PNMA1: variants seen among roughly 807,000 people sequenced by gnomAD.
The protein encoded by PNMA1 is PNMA family member 1.
In PNMA1, 21 loss-of-function variants were observed where a neutral mutation model predicts 26.1. The ratio of observed to expected loss-of-function variants is 0.80; its 90% CI spans 0.57 to 1.16. The LOEUF is 1.16. Ranked by LOEUF, PNMA1 falls within the 50% of genes most tolerant of loss-of-function variation. PNMA1 has a pLI of 0.00. For synonymous variants in PNMA1, 189 were observed against 177.3 expected, an observed-to-expected ratio of 1.07 and a Z score of -0.52; for missense variants, 435 against 437.3, an observed-to-expected ratio of 0.99 and a Z score of 0.05.
In PNMA1 at chr14:73,713,527, G is replaced by A. The variant is rs1377399375; in HGVS notation, c.113C>T (p.Thr38Ile). 1.1e-5 allele frequency: 18 copies of A among 1,613,976 alleles called. No individual in the cohort carries two copies. The highest frequency in any genetic ancestry group is 6.7e-5 in the East Asian group (3 of 44,884). ...VNCDEAEIEE[T>I]LQAAMPQVSY... ...GACCTGGGGCATCGCAGCCTGGAGG[G>A]TCTCTTCGATTTCAGCCTCATCACA... The change falls in exon 1 of 1, where the codon ACC (threonine) becomes ATC (isoleucine). Residue 38 changes from threonine (T) to isoleucine (I), a missense_variant. By Grantham distance (89) the Thr-to-Ile change is moderately conservative (BLOSUM62 -1). Transcript: ENST00000316836.
At position 73,713,587 on chromosome 14, in the gene PNMA1, T is replaced by C. The variant is rs774408970; in HGVS notation, c.53A>G (p.Gln18Arg). 6.8e-6 allele frequency: 11 copies of C among 1,613,432 alleles called. No individual in the cohort carries two copies. The Admixed American group carries it at 8.3e-5, about 12-fold the overall frequency. The change falls in exon 1 of 1, where the codon CAG (glutamine) becomes CGG (arginine). Residue 18 changes from glutamine to arginine, a missense_variant. Physicochemically the swap from Gln to Arg is conservative, Grantham distance 43. Coordinates refer to ENST00000316836, the MANE Select transcript of PNMA1 (RefSeq NM_006029.5). ...GATGCCCCAGACTAACAGAGCTCTC[T>C]GGGAGTTCACATCCATCCCCCGGCA... ...DWCRGMDVNS[Q>R]RALLVWGIPV...
Position 73,713,497 on chromosome 14 carries a change from T to C in PNMA1, c.143A>G (p.Tyr48Cys). 1 of 1,614,176 alleles carries C rather than the reference T, an allele frequency of 6.2e-7. No individual in the cohort carries two copies. The highest frequency in any genetic ancestry group is 8.5e-7 in the Non-Finnish European group (1 of 1,180,026). The part of the protein sequence containing the change: ...TLQAAMPQVS[Y>C]RMLGRMFWRE... ...CCAGAACATTCTCCCAAGCATTCGG[T>C]AGGAGACCTGGGGCATCGCAGCCTG... The change falls in exon 1 of 1, where the codon TAC becomes TGC. Residue 48 changes from tyrosine (Y) to cysteine (C), a missense_variant. Transcript: ENST00000316836.
chr14:73,712,470 C>T lies in PNMA1; in HGVS notation c.*108G>A. 2 of 782,792 alleles carry T rather than the reference C, an allele frequency of 2.6e-6. No homozygotes were observed. The highest frequency in any genetic ancestry group is 4.1e-6 in the Non-Finnish European group (2 of 485,804). 48.5% of individuals were successfully genotyped at this position (782,792 alleles called of 1,614,324 possible). ...CCTTCCCCTCCAAAAAACAACAAAACAGAACAAGGCTAAGCCTTTACTACT... is the reference window on the plus strand; with the variant it reads ...CCTTCCCCTCCAAAAAACAACAAAATAGAACAAGGCTAAGCCTTTACTACT... On this transcript the variant is annotated 3_prime_UTR_variant, in exon 1 of 1. Coordinates refer to ENST00000316836, the MANE Select transcript of PNMA1 (RefSeq NM_006029.5).
Position 73,713,090 on chromosome 14 carries a change from T to A in PNMA1, c.550A>T (p.Thr184Ser), listed in dbSNP as rs760687408. Reference sequence around the variant, plus strand: ...TGCCACTCCTCTAGGACCTCATTAGTGTGCTCCAGCCAGGGATCAAAGGTT... The same window carrying A: ...TGCCACTCCTCTAGGACCTCATTAGAGTGCTCCAGCCAGGGATCAAAGGTT... ...EETFDPWLEHTNEVLEEWQVS... is the reference protein window; with the variant it reads ...EETFDPWLEHSNEVLEEWQVS... The change falls in exon 1 of 1, where the codon ACT becomes TCT. Residue 184 changes from threonine to serine, a missense_variant. Thr to Ser is a moderately conservative substitution (Grantham distance 58). Transcript: ENST00000316836. The A allele has an allele frequency of 6.2e-7, 1 of 1,613,834 alleles. No homozygotes were observed. Among genetic ancestry groups the A allele is most frequent in the South Asian group, 1.1e-5 (1 of 91,058 alleles).
In PNMA1 at chr14:73,712,889, G is replaced by A; in HGVS notation, c.751C>T (p.Leu251=). The part of the protein sequence containing the change: ...ESSRDAQIKF[L]NTYQNPGEKL... ...TCTCCCGGGTTCTGATAAGTGTTCA[G>A]AAATTTGATCTGGGCATCCCTAGAG... Residue 251 remains leucine (L), a synonymous_variant, in exon 1 of 1, where the codon CTG becomes TTG. Transcript: ENST00000316836. 1 of 1,614,190 alleles carries A rather than the reference G, an allele frequency of 6.2e-7. No individual in the cohort carries two copies. The highest frequency in any genetic ancestry group is 8.5e-7 in the Non-Finnish European group (1 of 1,180,052).
In PNMA1 at chr14:73,712,989, A is replaced by G; in HGVS notation, c.651T>C (p.Leu217=). ...RGPAADVIRI[L]KSNNPAITTA... Reference sequence around the variant, plus strand: ...TGGTTATCGCGGGGTTGTTGGACTTAAGGATGCGAATAACATCAGCGGCGG... The same window carrying G: ...TGGTTATCGCGGGGTTGTTGGACTTGAGGATGCGAATAACATCAGCGGCGG... Residue 217 remains leucine, a synonymous_variant, in exon 1 of 1, where the codon CTT becomes CTC. Transcript: ENST00000316836. The G allele has an allele frequency of 6.2e-7, 1 of 1,614,202 alleles. No individual in the cohort carries two copies. The highest frequency in any genetic ancestry group is 8.5e-7 in the Non-Finnish European group (1 of 1,180,054).
Position 73,712,749 on chromosome 14 carries a change from C to T in PNMA1, c.891G>A (p.Gly297=). Reference sequence around the variant, plus strand: ...TTCGGATGGCCCCGCTGTGGTTGGCCCCGGCAATGACCTGCTCTAGGCGGG... The same window carrying T: ...TTCGGATGGCCCCGCTGTGGTTGGCTCCGGCAATGACCTGCTCTAGGCGGG... ...NQARLEQVIA[G]ANHSGAIRRQ... Residue 297 remains glycine (G), a synonymous_variant, in exon 1 of 1, where the codon GGG becomes GGA. Coordinates refer to ENST00000316836, the MANE Select transcript of PNMA1 (RefSeq NM_006029.5). 3 of 1,614,172 alleles carry T rather than the reference C, an allele frequency of 1.9e-6. No individual in the cohort carries two copies. The highest frequency in any genetic ancestry group is 2.5e-6 in the Non-Finnish European group (3 of 1,180,034).
In PNMA1 at chr14:73,712,424, T is replaced by C. The variant is rs2052825871; in HGVS notation, c.*154A>G. On this transcript the variant is annotated 3_prime_UTR_variant, in exon 1 of 1. Coordinates refer to ENST00000316836, the MANE Select transcript of PNMA1 (RefSeq NM_006029.5). ...GCTGGCACAATTTTAGAATGTTACA[T>C]GAATACTCAGGCCTGACTAACCTTC... 5 of 634,420 alleles carry C rather than the reference T, an allele frequency of 7.9e-6. No individual in the cohort carries two copies. Among genetic ancestry groups the C allele is most frequent in the Non-Finnish European group, 1.4e-5 (5 of 362,094 alleles). 39.3% of individuals were successfully genotyped at this position (634,420 alleles called of 1,614,324 possible). A position where few individuals can be genotyped will look rare whatever the true frequency, so the allele number is the denominator to read the frequency against.
rs1851087827 is a variant in PNMA1 at position 73,713,956 on chromosome 14, G to C, written c.-317C>G. 4.3e-6 allele frequency: 1 copy of C among 231,324 alleles called. No individual in the cohort carries two copies. The highest frequency in any genetic ancestry group is 8.7e-6 in the Non-Finnish European group (1 of 114,978). 14.3% of individuals were successfully genotyped at this position (231,324 alleles called of 1,614,324 possible). A position where few individuals can be genotyped will look rare whatever the true frequency, so the allele number is the denominator to read the frequency against. ...CGTCGTGCAGCGGGCGAGGAGCGACGGCGGGCGGCGAAGGCAGGCGCGCTG... is the reference window on the plus strand; with the variant it reads ...CGTCGTGCAGCGGGCGAGGAGCGACCGCGGGCGGCGAAGGCAGGCGCGCTG... On this transcript the variant is annotated 5_prime_UTR_variant, in exon 1 of 1. Coordinates refer to ENST00000316836, the MANE Select transcript of PNMA1 (RefSeq NM_006029.5).
rs1213841511 is a variant in PNMA1 at position 73,713,247 on chromosome 14, G to A, written c.393C>T (p.Thr131=). ...RVLGFQNPTP[T]PGPEMPAEML... The stretch of plus-strand genomic sequence containing the variant: ...TCTCTGCTGGCATCTCTGGGCCCGG[G>A]GTCGGAGTAGGGTTCTGAAACCCAA... Residue 131 remains threonine, a synonymous_variant, in exon 1 of 1, where the codon ACC becomes ACT. Transcript: ENST00000316836. 5 of 1,614,040 alleles carry A rather than the reference G, an allele frequency of 3.1e-6. No homozygotes were observed. Among genetic ancestry groups the A allele is most frequent in the Admixed American group, 1.7e-5 (1 of 60,002 alleles).
In PNMA1 at chr14:73,713,195, T is replaced by A. The variant is rs768164133; in HGVS notation, c.445A>T (p.Ile149Phe). The A allele has an allele frequency of 6.2e-7, 1 of 1,614,110 alleles. No homozygotes were observed. Among genetic ancestry groups the A allele is most frequent in the Non-Finnish European group, 8.5e-7 (1 of 1,180,024 alleles). Residue 149 changes from isoleucine to phenylalanine, a missense_variant, in exon 1 of 1, where the codon ATT becomes TTT. By Grantham distance (21) the Ile-to-Phe change is conservative. Coordinates refer to ENST00000316836, the MANE Select transcript of PNMA1 (RefSeq NM_006029.5). ...CATATGGACTCAACAAGAGGCTGAA[T>A]AACATTATCCAAAATATAGTTTAGC... Reference protein sequence around the residue: ...EMLNYILDNVIQPLVESIWYK... With the variant: ...EMLNYILDNVFQPLVESIWYK...
chr14:73,713,385 TC>T lies in PNMA1; in HGVS notation c.254del (p.Gly85GlufsTer18). 6.2e-7 allele frequency: 1 copy of T among 1,614,128 alleles called. No individual in the cohort carries two copies. Among genetic ancestry groups the T allele is most frequent in the Non-Finnish European group, 8.5e-7 (1 of 1,180,016 alleles). ...AAIPREMPGKGGVWKVLFKPP... is the reference protein window; with the variant it reads ...AAIPREMPGKXGVWKVLFKPP... ...GCTTAAATAACACTTTCCAGACCCC[TC>T]CTTTGCCCGGCATCTCCCTGGGGAT... On this transcript the variant is annotated frameshift_variant, in exon 1 of 1. Transcript: ENST00000316836. LOFTEE classifies it high-confidence loss of function.
chr14:73,712,639 T>C lies in PNMA1; in HGVS notation c.1001A>G (p.Lys334Arg). ...LLVQIREEEA[K>R]EEEEEAEATL... is the part of the protein sequence containing the mutation. ...GGCCTCAGCCTCCTCCTCCTCCTCC[T>C]TGGCTTCCTCCTCACGGATCTGCAC... Residue 334 changes from lysine (K) to arginine (R), a missense_variant, in exon 1 of 1, where the codon AAG (lysine) becomes AGG (arginine). By Grantham distance (26) the Lys-to-Arg change is conservative. Transcript: ENST00000316836. 1 of 1,613,520 alleles carries C rather than the reference T, an allele frequency of 6.2e-7. No homozygotes were observed. The highest frequency in any genetic ancestry group is 1.1e-5 in the South Asian group (1 of 91,032).
In PNMA1 at chr14:73,713,003, C is replaced by G; in HGVS notation, c.637G>C (p.Val213Leu). Residue 213 changes from valine (V) to leucine (L), a missense_variant, in exon 1 of 1, where the codon GTT becomes CTT. Transcript: ENST00000316836. Reference sequence around the variant, plus strand: ...TTGTTGGACTTAAGGATGCGAATAACATCAGCGGCGGGGCCTCTAAGACTC... The same window carrying G: ...TTGTTGGACTTAAGGATGCGAATAAGATCAGCGGCGGGGCCTCTAAGACTC... ...MESLRGPAAD[V>L]IRILKSNNPA... 6.2e-7 allele frequency: 1 copy of G among 1,614,152 alleles called. No homozygotes were observed. The highest frequency in any genetic ancestry group is 8.5e-7 in the Non-Finnish European group (1 of 1,180,038).
rs758690930 is a variant in PNMA1, at chr14:73,713,132, G to A, written c.508C>T (p.Pro170Ser). The change falls in exon 1 of 1, where the codon CCA (proline) becomes TCA (serine). Residue 170 changes from proline to serine, a missense_variant. Pro to Ser is a moderately conservative substitution (Grantham distance 74, BLOSUM62 -1). Transcript: ENST00000316836. ...TCAAAGGTTTCCTCTCCAGGCCCTG[G>A]GATGTCCCTCCCCGAGAAAAGTGTC... ...RLTLFSGRDI[P>S]GPGEETFDPW... 3 of 1,612,310 alleles carry A rather than the reference G, an allele frequency of 1.9e-6. No homozygotes were observed. The highest frequency in any genetic ancestry group is 2.2e-5 in the East Asian group (1 of 44,842).
At position 73,712,661 on chromosome 14, in the gene PNMA1, G is replaced by C; in HGVS notation, c.979C>G (p.Gln327Glu). ...PAPNLFQLLVQIREEEAKEEE... is the reference protein window; with the variant it reads ...PAPNLFQLLVEIREEEAKEEE... ...TCCTTGGCTTCCTCCTCACGGATCT[G>C]CACCAGCAACTGAAAGAGGTTTGGG... The change falls in exon 1 of 1, where the codon CAG (glutamine) becomes GAG (glutamate). Residue 327 changes from glutamine (Q) to glutamate (E), a missense_variant. Coordinates refer to ENST00000316836, the MANE Select transcript of PNMA1 (RefSeq NM_006029.5). 6.2e-7 allele frequency: 1 copy of C among 1,613,820 alleles called. No individual in the cohort carries two copies. Among genetic ancestry groups the C allele is most frequent in the Non-Finnish European group, 8.5e-7 (1 of 1,179,864 alleles).
chr14:73,712,804 C>T lies in PNMA1; in HGVS notation c.836G>A (p.Gly279Glu), dbSNP rs775983980. 1.2e-6 allele frequency: 2 copies of T among 1,614,086 alleles called. No individual in the cohort carries two copies. The highest frequency in any genetic ancestry group is 2.2e-5 in the South Asian group (2 of 91,078). The stretch of plus-strand genomic sequence containing the variant: ...GTTCACATTATCTTTATCAATGGCC[C>T]CCTTCTCTACCACCTTCTGTAGCAG... ...EPLLQKVVEK[G>E]AIDKDNVNQA... Residue 279 changes from glycine (G) to glutamate (E), a missense_variant, in exon 1 of 1, where the codon GGG becomes GAG. Transcript: ENST00000316836.
In PNMA1 at chr14:73,712,359, C is replaced by T. The variant is rs2052825503; in HGVS notation, c.*219G>A. ...ACCAACCCTTTACCTGGCATTTTAG[C>T]CAGCAAGACCCGCTTGCATTGCAGT... On this transcript the variant is annotated 3_prime_UTR_variant, in exon 1 of 1. Transcript: ENST00000316836. The T allele has an allele frequency of 4.0e-6, 2 of 494,998 alleles. No individual in the cohort carries two copies. Among genetic ancestry groups the T allele is most frequent in the South Asian group, 8.6e-5 (2 of 23,348 alleles). The allele number at this position is 494,998 out of a possible 1,614,324, so 30.7% of individuals were successfully genotyped here.
Position 73,713,197 on chromosome 14 carries a change from A to G in PNMA1, c.443T>C (p.Val148Ala), listed in dbSNP as rs1375494210. Residue 148 changes from valine to alanine, a missense_variant, in exon 1 of 1, where the codon GTT becomes GCT. Val to Ala is a moderately conservative substitution (Grantham distance 64, BLOSUM62 0). Transcript: ENST00000316836. ...TATGGACTCAACAAGAGGCTGAATA[A>G]CATTATCCAAAATATAGTTTAGCAT... ...AEMLNYILDN[V>A]IQPLVESIWY... 3.7e-6 allele frequency: 6 copies of G among 1,614,080 alleles called. No homozygotes were observed. The highest frequency in any genetic ancestry group is 5.1e-6 in the Non-Finnish European group (6 of 1,180,024).
Sources: allele counts gnomAD v4.1 joint callset, GRCh38; gene constraint gnomAD v4.1.1; transcripts MANE v1.5; gene names NCBI Gene and HGNC (gene_info 2026-07-23, HGNC 2026-07-21).